Variants in PLA2G6 observed in about 807,000 individuals in gnomAD.
The protein encoded by PLA2G6 is 85/88 kDa calcium-independent phospholipase A2.
In PLA2G6, 62 loss-of-function variants were observed where a neutral mutation model predicts 83.8. That is an observed-to-expected ratio of 0.74 (90% CI 0.60 to 0.91). PLA2G6 has a LOEUF of 0.91. PLA2G6 is among the 40% of genes least tolerant of loss of function. The pLI is 0.00. For missense variants in PLA2G6, 944 were observed against 1,102.0 expected (o/e 0.86, Z 2.03); for synonymous variants, 417 against 449.8 (o/e 0.93, Z 0.92).
chr22:38,126,960 T>A, intron 9 of PLA2G6: 1 of 1,027,136 alleles, frequency 9.7e-7, no homozygotes, highest in Non-Finnish European at 1.2e-6. Context: ...AAAGGAGACA[T>A]CCCTCGTCCT....
In PLA2G6 at chr22:38,128,437, A is replaced by AT. The variant is rs1486806392; in HGVS notation, c.1187-8dup. 6.2e-7 allele frequency: 1 copy of AT among 1,613,796 alleles called. No individual in the cohort carries two copies. The highest frequency in any genetic ancestry group is 8.5e-7 in the Non-Finnish European group (1 of 1,179,944). ...ATCGCCTTCCTGGTGACAACTTGTC[A>AT]TGGTTTGGGGAAGGGGAGATGGCAC... On this transcript the variant is annotated splice_region_variant and splice_polypyrimidine_tract_variant and intron_variant, in intron 8 of 16. Coordinates refer to ENST00000332509, the MANE Select transcript of PLA2G6 (RefSeq NM_003560.4). This position sits in a 1 kb window ranked among gnomAD's most constrained non-coding sequence, Gnocchi z 4.4.
At chr22:38,173,923 G>A (rs1373686889) in intron 1 of PLA2G6, among the ~76,000 whole-genome samples, 1 of 152,128 alleles carries the variant, frequency 6.6e-6, no homozygotes, top group Admixed American at 6.6e-5. Flanking sequence ...ATGGTGGTGT[G>A]CGCCTGTGGT....
chr22:38,132,681 G>A lies in PLA2G6; in HGVS notation c.1077+150C>T. The A allele has an allele frequency of 8.4e-6, 6 of 710,166 alleles. No individual in the cohort carries two copies. The highest frequency in any genetic ancestry group is 1.4e-5 in the Non-Finnish European group (6 of 426,792). 44.0% of individuals were successfully genotyped at this position (710,166 alleles called of 1,614,324 possible). On this transcript the variant is annotated intron_variant, in intron 7 of 16. Transcript: ENST00000332509. The surrounding 1 kb of genome is among the most constrained non-coding windows in gnomAD (Gnocchi z 5.0). ...ACTTGGAAGGCTTCCTGAGGGAGGA[G>A]TCAGGGTCTGAACTGAGCTTTGGGT...
rs2087977440 is a variant in PLA2G6, at chr22:38,128,079, G to A, written c.1348+190C>T. On this transcript the variant is annotated intron_variant, in intron 9 of 16. Transcript: ENST00000332509. This position sits in a 1 kb window ranked among gnomAD's most constrained non-coding sequence, Gnocchi z 4.4. ...AGGGGCAACGGAGCATGGGACATCA[G>A]CCAGGGACACCCTAGGCCTCTGGGA... The A allele has an allele frequency of 9.7e-6, 6 of 616,978 alleles. No individual in the cohort carries two copies. The East Asian group carries it at 1.6e-4, about 17-fold the overall frequency. 38.2% of individuals were successfully genotyped at this position (616,978 alleles called of 1,614,324 possible). A position where few individuals can be genotyped will look rare whatever the true frequency, so the allele number is the denominator to read the frequency against.
At chr22:38,147,205 C>G (rs1367160932) in intron 2 of PLA2G6, 1 of 152,626 alleles carries the variant, frequency 6.6e-6, no homozygotes, top group African/African-American at 2.4e-5. Flanking sequence ...TGTACCTGTC[C>G]TACCTACCTC....
chr22:38,152,545 T>A (rs132945), intron 2 of PLA2G6, among the ~76,000 whole-genome samples: 9,871 of 151,168 alleles, frequency 0.065, 426 homozygotes, highest in South Asian at 0.14. Flanking sequence ...AACAACTTAT[T>A]TTCTCTTCCT....
intron 2 of PLA2G6, among the ~76,000 whole-genome samples, chr22:38,153,235 C>A (rs1190091486): frequency 6.6e-6 from 1 of 152,132 alleles, no homozygotes; most frequent in Non-Finnish European, 1.5e-5. Context: ...AGTTTGAGAC[C>A]AGCCTGGCCA....
rs368426753 is a variant in PLA2G6 at position 38,163,924 on chromosome 22, C to G, written c.209+5294G>C. 2.1e-3 allele frequency among the ~76,000 whole-genome samples: 313 copies of G among 152,158 alleles called. 2 individuals are homozygous for G. Among genetic ancestry groups the G allele is most frequent in the African/African-American group, 7.4e-3 (306 of 41,502 alleles). The stretch of plus-strand genomic sequence containing the variant: ...AGGTTTCTGATAAGCAGTTTTATGG[C>G]AAAGTCCCAGTCCAGAGAGCCTCAA... On this transcript the variant is annotated intron_variant, in intron 2 of 16. Coordinates refer to ENST00000332509, the MANE Select transcript of PLA2G6 (RefSeq NM_003560.4).
intron 5 of PLA2G6, chr22:38,137,289 A>C (rs1352106675): frequency 6.6e-6 from 1 of 152,390 alleles, no homozygotes; most frequent in South Asian, 2.1e-4. Flanking sequence ...GAGCCCCCCA[A>C]GTCTTCACCC....
chr22:38,129,380 G>T, intron 8 of PLA2G6, 74 bp downstream of exon 8: 1 of 1,038,260 alleles, frequency 9.6e-7, no homozygotes, highest in Non-Finnish European at 1.5e-6. Context: ...TGATGCCTGG[G>T]ACTTCCCTCC....
intron 14 of PLA2G6, among the ~76,000 whole-genome samples, chr22:38,114,150 C>T (rs9622727): frequency 6.6e-6 from 1 of 150,998 alleles, no homozygotes; most frequent in Non-Finnish European, 1.5e-5. Flanking sequence ...GAAGTAGGGG[C>T]TAAGGCTTGA....
intron 5 of PLA2G6, chr22:38,136,375 G>A (rs1401697447): frequency 6.6e-6 from 1 of 152,344 alleles, no homozygotes; most frequent in Non-Finnish European, 1.5e-5. Context: ...GATCACCTGA[G>A]GTCGGGAGTT....
chr22:38,148,814 A>G (rs2089407990), intron 2 of PLA2G6: 1 of 416,972 alleles, frequency 2.4e-6, no homozygotes, highest in Admixed American at 4.0e-5. Context: ...GCAAAAATAA[A>G]TTCATTCTTT....
In PLA2G6 at chr22:38,111,745, G is replaced by C; in HGVS notation, c.*416C>G. The stretch of plus-strand genomic sequence containing the variant: ...CCAGGGAACGGAGCAGAGGGCAGAG[G>C]GAGTGGGCTGCACCCACCAGGAAGC... On this transcript the variant is annotated 3_prime_UTR_variant, in exon 17 of 17. Coordinates refer to ENST00000332509, the MANE Select transcript of PLA2G6 (RefSeq NM_003560.4). The C allele has an allele frequency of 6.3e-6, 2 of 316,916 alleles. No homozygotes were observed. The highest frequency in any genetic ancestry group is 1.2e-5 in the Non-Finnish European group (2 of 160,808). 19.6% of individuals were successfully genotyped at this position (316,916 alleles called of 1,614,324 possible).
intron 4 of PLA2G6, 24 bp downstream of exon 4, chr22:38,143,081 C>T (rs1569274428): frequency 6.2e-7 from 1 of 1,610,704 alleles, no homozygotes; most frequent in Non-Finnish European, 8.5e-7. Flanking sequence ...CAGTACCAGT[C>T]ACCCTGCCCC....
chr22:38,123,146 AG>A lies in PLA2G6; in HGVS notation c.1539del (p.Trp514GlyfsTer31). 5 of 1,550,418 alleles carry A rather than the reference AG, an allele frequency of 3.2e-6. No individual in the cohort carries two copies. Among genetic ancestry groups the A allele is most frequent in the Non-Finnish European group, 4.4e-6 (5 of 1,147,334 alleles). ...CCTCCAGTGCTGGTGCCCGCCACCC[AG>A]TCAAACAGGTCCTTGGTGGCCACAC... ...ASGVATKDLF[D>X]WVAGTSTGGI... On this transcript the variant is annotated frameshift_variant, in exon 11 of 17. Coordinates refer to ENST00000332509, the MANE Select transcript of PLA2G6 (RefSeq NM_003560.4). LOFTEE classifies it high-confidence loss of function. The surrounding 1 kb of genome is among the most constrained non-coding windows in gnomAD (Gnocchi z 4.1).
intron 9 of PLA2G6, chr22:38,126,893 G>A (rs1478517759): frequency 3.6e-6 from 2 of 551,020 alleles, no homozygotes; most frequent in African/African-American, 2.0e-5. Flanking sequence ...ATTCACCCAA[G>A]GTCATTTAGT....
At chr22:38,165,130 A>T (rs1474949927) in intron 2 of PLA2G6, among the ~76,000 whole-genome samples, 2 of 152,140 alleles carry the variant, frequency 1.3e-5, no homozygotes, top group Non-Finnish European at 2.9e-5. Context: ...AACTGCCCTC[A>T]ATGCAACAGT....
At chr22:38,126,999 T>G in intron 9 of PLA2G6, 1 of 1,072,960 alleles carries the variant, frequency 9.3e-7, no homozygotes, top group South Asian at 2.9e-5. Flanking sequence ...CCCAGTGGCC[T>G]CCGGGATCAG....
Sources: gnomAD v4.1 joint callset for allele counts (sites outside exome capture counted in the v4.1 genomes callset) on GRCh38, gnomAD v4.1.1 for gene constraint, Gnocchi (gnomAD v3.1) non-coding constraint, MANE v1.5 for transcripts, NCBI Gene and HGNC (gene_info 2026-07-23, HGNC 2026-07-21) for gene names.